TUBB8: variants seen among roughly 807,000 people sequenced by gnomAD.
TUBB8 encodes tubulin beta 8 class VIII, also known as tubulin beta-8 chain.
In TUBB8, 25 loss-of-function variants were observed where a neutral mutation model predicts 33.7. The observed-to-expected ratio is 0.74, with a 90% confidence interval of 0.54 to 1.04. TUBB8 has a LOEUF of 1.04. TUBB8 is among the 50% of genes least tolerant of loss of function. The pLI, the probability that TUBB8 is intolerant of heterozygous loss-of-function variation, is 0.00. For missense variants in TUBB8, 279 were observed against 608.0 expected (o/e 0.46, Z 5.69); for synonymous variants, 245 against 240.1 (o/e 1.02, Z -0.19).
At chr10:75,811 G>A (rs1170657439), upstream of TUBB8, among the ~76,000 whole-genome samples, 3 of 152,012 alleles carry the variant, frequency 2.0e-5, no homozygotes, top group East Asian at 5.8e-4. Context: ...ATTTTCCTGC[G>A]TTGTTTCCAC....
At chr10:66,003 C>T (rs1207992117) in intron 1 of TUBB8, among the ~76,000 whole-genome samples, 2 of 152,226 alleles carry the variant, frequency 1.3e-5, no homozygotes, top group Non-Finnish European at 2.9e-5. Context: ...TAGGAATTTT[C>T]TAAACACCAC....
rs534801005 is a variant in TUBB8, at chr10:47,001, C to CAGAACACAGTAA, written c.*44_*55dup. 2.4e-3 allele frequency: 1,574 copies of CAGAACACAGTAA among 643,830 alleles called. 2 individuals are homozygous for CAGAACACAGTAA. The highest frequency in any genetic ancestry group is 3.5e-3 in the Non-Finnish European group (1,294 of 369,346). The allele number at this position is 643,830 out of a possible 1,614,324, so 39.9% of individuals were successfully genotyped here. On this transcript the variant is annotated 3_prime_UTR_variant, in exon 4 of 4. Transcript: ENST00000568584. ...CAAGCGTATAGTGACACATGGCTGT[C>CAGAACACAGTAA]AGAACACAGTAAAGAATCCACACTG...
At chr10:57,389 C>G (rs1554740276) in intron 1 of TUBB8, among the ~76,000 whole-genome samples, 1 of 152,248 alleles carries the variant, frequency 6.6e-6, no homozygotes, top group Non-Finnish European at 1.5e-5. Context: ...TACATTTCTT[C>G]TCTGCATTGT....
chr10:61,717 T>C (rs1332629490), intron 1 of TUBB8, among the ~76,000 whole-genome samples: 2 of 152,254 alleles, frequency 1.3e-5, no homozygotes, highest in Non-Finnish European at 2.9e-5. Context: ...TCAGCCATTA[T>C]TGTATTGATG....
In TUBB8 at chr10:48,402, A is replaced by G. The variant is rs1203903759; in HGVS notation, c.277+213T>C. ...GGCCCCAGCTCAGGTTCTTGCAGGG[A>G]GTTTACATCAGTAACTCCTCACCTT... On this transcript the variant is annotated intron_variant, in intron 3 of 3. Transcript: ENST00000568584. 25 of 642,202 alleles carry G rather than the reference A, an allele frequency of 3.9e-5. 1 individual carries two copies. The highest frequency in any genetic ancestry group is 3.5e-4 in the South Asian group (19 of 53,752). 39.8% of individuals were successfully genotyped at this position (642,202 alleles called of 1,614,324 possible).
chr10:76,432 T>G (rs564796853), upstream of TUBB8, among the ~76,000 whole-genome samples: 57 of 152,268 alleles, frequency 3.7e-4, no homozygotes, highest in South Asian at 1.9e-3. Context: ...CTCGCTCCGC[T>G]GCACTCACAG....
intron 1 of TUBB8, among the ~76,000 whole-genome samples, chr10:70,182 G>A (rs1554742124): frequency 6.6e-6 from 1 of 151,930 alleles, no homozygotes; most frequent in African/African-American, 2.4e-5. Flanking sequence ...CTTGTCATTG[G>A]GTCATAAGAA....
intron 1 of TUBB8, among the ~76,000 whole-genome samples, chr10:61,410 T>C (rs1554740830): frequency 6.6e-6 from 1 of 152,218 alleles, no homozygotes; most frequent in Non-Finnish European, 1.5e-5. Context: ...AGTGTTTGTA[T>C]AGTTTCTGAA....
upstream of TUBB8, among the ~76,000 whole-genome samples, chr10:51,868 A>G (rs1834472332): frequency 6.6e-6 from 1 of 152,190 alleles, no homozygotes; most frequent in South Asian, 2.1e-4. Context: ...GCTCTAAGAC[A>G]TCAAGGCTAA....
At position 48,878 on chromosome 10, in the gene TUBB8, T is replaced by C; in HGVS notation, c.92A>G (p.Asp31Gly). The change falls in exon 2 of 4, where the codon GAC becomes GGC. Residue 31 changes from aspartate to glycine, a missense_variant. By Grantham distance (94) the Asp-to-Gly change is moderately conservative. Around this residue, in one of 4 missense-constraint regions of TUBB8, gnomAD observed 56 missense variants for 77.9 expected, o/e 0.72. Coordinates refer to ENST00000568584, the MANE Select transcript of TUBB8 (RefSeq NM_177987.3). ...GTCCCCGTGGTAGGTGCCAGCGGAG[T>C]CGATGGCATGTTCATCAGAGATCAC... Reference protein sequence around the residue: ...WEVISDEHAIDSAGTYHGDSH... With the variant: ...WEVISDEHAIGSAGTYHGDSH... The C allele has an allele frequency of 6.4e-7, 1 of 1,568,722 alleles. No individual in the cohort carries two copies. Among genetic ancestry groups the C allele is most frequent in the Non-Finnish European group, 8.6e-7 (1 of 1,159,124 alleles).
intron 1 of TUBB8, among the ~76,000 whole-genome samples, chr10:63,196 C>A (rs528363582): frequency 2.2e-3 from 337 of 152,262 alleles, no homozygotes; most frequent in African/African-American, 7.8e-3. Context: ...GCCTCAGCCT[C>A]CCAAGGAGCT....
intron 1 of TUBB8, among the ~76,000 whole-genome samples, chr10:73,616 C>G: frequency 6.6e-6 from 1 of 151,818 alleles, no homozygotes; most frequent in Non-Finnish European, 1.5e-5. Flanking sequence ...GCACTCCAAC[C>G]TGGGAAACAA....
chr10:71,696 A>G (rs4881491), intron 1 of TUBB8, among the ~76,000 whole-genome samples: 118,570 of 150,814 alleles, frequency 0.79, 46,885 homozygotes, highest in Middle Eastern at 0.89. Context: ...GGAGGCTGAC[A>G]TGTAAGGATC....
rs1554738108 is a variant in TUBB8 at position 47,468 on chromosome 10, G to A, written c.924C>T (p.Gly308=). The A allele has an allele frequency of 1.9e-6, 3 of 1,612,292 alleles. No homozygotes were observed. Among genetic ancestry groups the A allele is most frequent in the Admixed American group, 1.7e-5 (1 of 60,028 alleles). ...AAATGGCAGCCGCCGTTAGGTAGCG[G>A]CCGTGACGGGGGTCACAGGCAGCCA... ...NMMAACDPRH[G]RYLTAAAIFR... is the part of the protein sequence containing the mutation. The change falls in exon 4 of 4, where the codon GGC becomes GGT. Residue 308 remains glycine (G), a synonymous_variant. Coordinates refer to ENST00000568584, the MANE Select transcript of TUBB8 (RefSeq NM_177987.3).
chr10:51,021 C>T (rs1834462388), upstream of TUBB8, among the ~76,000 whole-genome samples: 1 of 152,216 alleles, frequency 6.6e-6, no homozygotes, highest in Admixed American at 6.5e-5. Context: ...TTGTAGCTCC[C>T]CTAATTCCCA....
upstream of TUBB8, chr10:49,597 G>A (rs1779046395): frequency 7.6e-6 from 4 of 526,104 alleles, no homozygotes; most frequent in South Asian, 1.5e-5. Context: ...CATATGCACG[G>A]AGTGCCTTTG....
At chr10:62,642 G>A (rs1296769754) in intron 1 of TUBB8, among the ~76,000 whole-genome samples, 7 of 152,280 alleles carry the variant, frequency 4.6e-5, no homozygotes, top group East Asian at 3.9e-4. Context: ...TTCAGGCTAA[G>A]AACTCCCTTT....
intron 1 of TUBB8, among the ~76,000 whole-genome samples, chr10:61,087 AG>A (rs1231562783): frequency 1.5e-5 from 1 of 66,582 alleles, no homozygotes; most frequent in African/African-American, 6.1e-5. Context: ...GGGTGGGGGG[AG>A]GGGGGAGGGA....
intron 1 of TUBB8, among the ~76,000 whole-genome samples, chr10:55,473 A>C (rs1433799281): frequency 6.6e-6 from 1 of 152,186 alleles, no homozygotes; most frequent in African/African-American, 2.4e-5. Flanking sequence ...CTTCACTTTA[A>C]AAAAGCTTTC....
Sources: allele counts gnomAD v4.1 joint callset (sites outside exome capture counted in the v4.1 genomes callset), GRCh38; gene constraint gnomAD v4.1.1; regional missense constraint gnomAD v4.1.1; transcripts MANE v1.5; gene names NCBI Gene and HGNC (gene_info 2026-07-23, HGNC 2026-07-21).